The following COQ4 variants were observed in gnomAD, a reference collection of about 807,000 sequenced individuals.
COQ4 encodes the protein coenzyme Q4, also known as ubiquinone biosynthesis protein COQ4 homolog, mitochondrial.
COQ4 carries 36 observed loss-of-function variants against 30.2 expected under a neutral mutation model. The observed-to-expected ratio is 1.19, with a 90% CI of 0.91 to 1.57. The LOEUF (loss-of-function observed/expected upper bound fraction) is 1.57. Among genes scored for constraint, COQ4 ranks in the 40% most tolerant of loss-of-function variants. The pLI is 0.00. For synonymous variants in COQ4, 197 were observed against 161.0 expected (o/e 1.22, Z -1.69); for missense variants, 369 against 371.9 (o/e 0.99, Z 0.07).
At chr9:128,333,132 G>A (rs1273746134) in intron 6 of COQ4, among the ~76,000 whole-genome samples, 189 bp downstream of exon 6, 1 of 152,156 alleles carries the variant, frequency 6.6e-6, no homozygotes, top group African/African-American at 2.4e-5. Flanking sequence ...GTCTTCAAGT[G>A]AGCAAATAAA....
intron 2 of COQ4, among the ~76,000 whole-genome samples, chr9:128,323,974 C>T (rs1832270730): frequency 6.6e-6 from 1 of 152,052 alleles, no homozygotes; most frequent in South Asian, 2.1e-4. Flanking sequence ...TCTCCATGTC[C>T]CCAGTGGTTT....
chr9:128,323,622 A>G (rs2131462932), intron 2 of COQ4: 1 of 342,338 alleles, frequency 2.9e-6, no homozygotes, highest in East Asian at 4.5e-5. Context: ...TATGCCTCCT[A>G]GATTTTTGAG....
intron 5 of COQ4, 112 bp from the exon 6 acceptor site, chr9:128,332,738 C>T (rs1832435639): frequency 5.8e-6 from 5 of 865,198 alleles, no homozygotes; most frequent in Non-Finnish European, 9.8e-6. Context: ...CTGGGCACAG[C>T]TGACCCCGTA....
At position 128,333,679 on chromosome 9, in the gene COQ4, C is replaced by A; in HGVS notation, c.*34C>A. 6.7e-7 allele frequency: 1 copy of A among 1,488,290 alleles called. No homozygotes were observed. Among genetic ancestry groups the A allele is most frequent in the Non-Finnish European group, 8.9e-7 (1 of 1,123,706 alleles). The allele number at this position is 1,488,290 out of a possible 1,614,324, so 92.2% of individuals were successfully genotyped here. A position where few individuals can be genotyped will look rare whatever the true frequency, so the allele number is the denominator to read the frequency against. Reference sequence around the variant, plus strand: ...GCCAGCGGGGCCTGGCCTACCTCCCCCATCCCCTGCTTCCCTTGGAGGCAG... The same window carrying A: ...GCCAGCGGGGCCTGGCCTACCTCCCACATCCCCTGCTTCCCTTGGAGGCAG... On this transcript the variant is annotated 3_prime_UTR_variant, in exon 7 of 7. Coordinates refer to ENST00000300452, the MANE Select transcript of COQ4 (RefSeq NM_016035.5).
chr9:128,332,557 C>G, intron 5 of COQ4: 1 of 583,574 alleles, frequency 1.7e-6, no homozygotes, highest in African/African-American at 1.9e-5. Flanking sequence ...CTCAGTAGCT[C>G]CCTAAGGCCT....
chr9:128,333,459 T>C lies in COQ4; in HGVS notation c.627-15T>C, dbSNP rs377711086. 3.3e-6 allele frequency: 5 copies of C among 1,495,008 alleles called. No homozygotes were observed. The highest frequency in any genetic ancestry group is 4.5e-6 in the Non-Finnish European group (5 of 1,122,554). The allele number at this position is 1,495,008 out of a possible 1,614,324, so 92.6% of individuals were successfully genotyped here. A position where few individuals can be genotyped will look rare whatever the true frequency, so the allele number is the denominator to read the frequency against. ...CAGGGACTTGATGTTTTCTTTTTCC[T>C]CTGCTGCCCCACAGGAGCCTGCAAG... On this transcript the variant is annotated splice_polypyrimidine_tract_variant and intron_variant, in intron 6 of 6. Coordinates refer to ENST00000300452, the MANE Select transcript of COQ4 (RefSeq NM_016035.5).
chr9:128,323,354 C>T, intron 2 of COQ4: 1 of 581,852 alleles, frequency 1.7e-6, no homozygotes, highest in East Asian at 3.1e-5. Flanking sequence ...GGGCGTGAAA[C>T]CGAAAGTCTG....
At chr9:128,330,863 A>T (rs1429809683) in intron 4 of COQ4, 1 of 149,012 alleles carries the variant, frequency 6.7e-6, no homozygotes, top group African/African-American at 2.5e-5. Flanking sequence ...TTTGAGACGA[A>T]GTCTCACTCT....
Position 128,325,972 on chromosome 9 carries a change from G to A in COQ4, c.402+91G>A, listed in dbSNP as rs149778669. 16 of 1,149,758 alleles carry A rather than the reference G, an allele frequency of 1.4e-5. No homozygotes were observed. The East Asian group carries it at 3.9e-4, about 28-fold the overall frequency. The allele number at this position is 1,149,758 out of a possible 1,614,324, so 71.2% of individuals were successfully genotyped here. ...CACCCTGAGGAAAGAGGAGCCCTGA[G>A]CTGCCACCATTGGCAGGAGTGCTCT... is the stretch of plus-strand genomic sequence containing the variant. On this transcript the variant is annotated intron_variant, in intron 4 of 6. Transcript: ENST00000300452.
intron 5 of COQ4, chr9:128,332,565 C>T: frequency 1.7e-6 from 1 of 582,222 alleles, no homozygotes; most frequent in South Asian, 2.1e-5. Flanking sequence ...CTCCCTAAGG[C>T]CTGCAGGAAC....
rs750951507 is a variant in COQ4, at chr9:128,322,869, T to A, written c.11T>A (p.Leu4Gln). The change falls in exon 1 of 7, where the codon CTG becomes CAG. Residue 4 changes from leucine to glutamine, a missense_variant. Coordinates refer to ENST00000300452, the MANE Select transcript of COQ4 (RefSeq NM_016035.5). ...CGGACGCCCGCTGCCATGGCGACTCTGCTGCGCCCTGTCCTCCGTCGGCTC... is the reference window on the plus strand; with the variant it reads ...CGGACGCCCGCTGCCATGGCGACTCAGCTGCGCCCTGTCCTCCGTCGGCTC... Reference protein sequence around the residue: MATLLRPVLRRLCG... With the variant: MATQLRPVLRRLCG... The A allele has an allele frequency of 3.2e-6, 5 of 1,575,216 alleles. No individual in the cohort carries two copies. The African/African-American group carries it at 5.4e-5, about 17-fold the overall frequency.
At chr9:128,328,073 G>A (rs1832350654) in intron 4 of COQ4, among the ~76,000 whole-genome samples, 1 of 152,262 alleles carries the variant, frequency 6.6e-6, no homozygotes, top group South Asian at 2.1e-4. Flanking sequence ...AATGGCAAGG[G>A]CAAAGGCCCC....
At chr9:128,331,472 G>C (rs748116673) in intron 4 of COQ4, 1 of 152,360 alleles carries the variant, frequency 6.6e-6, no homozygotes, top group South Asian at 2.1e-4. Context: ...TGAAGGATAA[G>C]TAGGAGTTAC....
intron 4 of COQ4, among the ~76,000 whole-genome samples, chr9:128,326,809 G>C (rs981134585): frequency 6.6e-6 from 1 of 151,718 alleles, no homozygotes; most frequent in Non-Finnish European, 1.5e-5. Flanking sequence ...GAGTGCAGTG[G>C]CGCCGTCTCG....
Position 128,333,619 on chromosome 9 carries a change from C to A in COQ4, c.772C>A (p.Pro258Thr). Residue 258 changes from proline to threonine, a missense_variant, in exon 7 of 7, where the codon CCC becomes ACC. By Grantham distance (38) the Pro-to-Thr change is conservative. Transcript: ENST00000300452. ...GGAGGAGCTGGGCATTACAGCACCA[C>A]CCATGCACGTCCAGGGCTTGGCCTG... ...LREELGITAP[P>T]MHVQGLA is the part of the protein sequence containing the mutation. 2 of 1,587,184 alleles carry A rather than the reference C, an allele frequency of 1.3e-6. No individual in the cohort carries two copies. The highest frequency in any genetic ancestry group is 2.3e-5 in the South Asian group (2 of 86,712).
intron 4 of COQ4, among the ~76,000 whole-genome samples, chr9:128,327,185 C>A (rs1038393362): frequency 6.6e-6 from 1 of 152,108 alleles, no homozygotes. Flanking sequence ...TGGCTCACAT[C>A]TGTAATCCCA....
In COQ4 at chr9:128,323,135, C is replaced by A. The variant is rs766317663; in HGVS notation, c.190C>A (p.Pro64Thr). Residue 64 changes from proline to threonine, a missense_variant, in exon 2 of 7, where the codon CCC becomes ACC. Transcript: ENST00000300452. ...AGSAAMALYN[P>T]YRHDMVAVLG... ...CTCCGCGGCGATGGCGCTCTATAAC[C>A]CCTACCGCCACGGTAAGGCCGCCCG... 6.2e-7 allele frequency: 1 copy of A among 1,603,082 alleles called. No individual in the cohort carries two copies. The highest frequency in any genetic ancestry group is 1.3e-5 in the African/African-American group (1 of 74,496).
At chr9:128,328,665 G>C (rs139474385) in intron 4 of COQ4, among the ~76,000 whole-genome samples, 1 of 152,184 alleles carries the variant, frequency 6.6e-6, no homozygotes, top group Non-Finnish European at 1.5e-5. Context: ...ACGATGTTCT[G>C]TTCCTCACAG....
chr9:128,323,306 A>ACTGAAT (rs1321342554), intron 2 of COQ4, 159 bp downstream of exon 2: 5 of 726,470 alleles, frequency 6.9e-6, no homozygotes, highest in African/African-American at 1.8e-5. Flanking sequence ...ACCTAAACGC[A>ACTGAAT]CTGAATCTGA....
Sources: gnomAD v4.1 joint callset for allele counts (sites outside exome capture counted in the v4.1 genomes callset) on GRCh38, gnomAD v4.1.1 for gene constraint, MANE v1.5 for transcripts, NCBI Gene and HGNC (gene_info 2026-07-23, HGNC 2026-07-21) for gene names.